TRPC6: variants seen among roughly 807,000 people sequenced by gnomAD.
TRPC6 encodes transient receptor potential cation channel subfamily C member 6.
TRPC6 carries 55 observed loss-of-function variants against 90.7 expected under a neutral mutation model. That is an observed-to-expected ratio of 0.61 (90% CI 0.49 to 0.76). TRPC6 has a LOEUF of 0.76. Ranked by LOEUF, TRPC6 falls within the 30% of genes least tolerant of loss-of-function variation. TRPC6 has a pLI of 0.00. For missense variants in TRPC6, 989 were observed against 1,122.7 expected (o/e 0.88, Z 1.70); for synonymous variants, 393 against 393.0 (o/e 1.00, Z 0.00).
At chr11:101,540,212 T>G (rs1489307018) in intron 1 of TRPC6, among the ~76,000 whole-genome samples, 1 of 152,204 alleles carries the variant, frequency 6.6e-6, no homozygotes, top group Non-Finnish European at 1.5e-5. Flanking sequence ...CAGAGAAGAC[T>G]GCCTGAGGCC....
At chr11:101,526,160 C>G (rs1173697699) in intron 1 of TRPC6, among the ~76,000 whole-genome samples, 1 of 151,772 alleles carries the variant, frequency 6.6e-6, no homozygotes, top group Non-Finnish European at 1.5e-5. Flanking sequence ...AAATATGAAT[C>G]TCTCTCTCTC....
At chr11:101,540,208 A>G (rs1861137936) in intron 1 of TRPC6, among the ~76,000 whole-genome samples, 1 of 152,240 alleles carries the variant, frequency 6.6e-6, no homozygotes, top group African/African-American at 2.4e-5. Context: ...CACACAGAGA[A>G]GACTGCCTGA....
At chr11:101,541,467 T>C (rs1268207205) in intron 1 of TRPC6, among the ~76,000 whole-genome samples, 1 of 152,236 alleles carries the variant, frequency 6.6e-6, no homozygotes, top group East Asian at 1.9e-4. Flanking sequence ...TTTCAAGCGA[T>C]TCTCCTGCCT....
intron 2 of TRPC6, among the ~76,000 whole-genome samples, chr11:101,497,899 G>A (rs1404601996): frequency 6.6e-6 from 1 of 152,040 alleles, no homozygotes; most frequent in African/African-American, 2.4e-5. Context: ...GTTCCCAAAA[G>A]AGGGGATTTT....
intron 10 of TRPC6, among the ~76,000 whole-genome samples, chr11:101,455,840 C>T (rs1411081173): frequency 6.6e-6 from 1 of 152,082 alleles, no homozygotes; most frequent in Non-Finnish European, 1.5e-5. Flanking sequence ...CTCAGACATT[C>T]ATCTATATAT....
At chr11:101,461,329 C>G (rs1858999492) in intron 10 of TRPC6, among the ~76,000 whole-genome samples, 1 of 152,200 alleles carries the variant, frequency 6.6e-6, no homozygotes, top group Non-Finnish European at 1.5e-5. Context: ...CTTTGGGAGG[C>G]TGAGGTAGGT....
chr11:101,495,655 C>A (rs1250705763), intron 2 of TRPC6, among the ~76,000 whole-genome samples: 1 of 148,662 alleles, frequency 6.7e-6, no homozygotes, highest in Non-Finnish European at 1.5e-5. Context: ...CATTATTTCA[C>A]AAACAGTATC....
chr11:101,472,275 T>C lies in TRPC6; in HGVS notation c.2067A>G (p.Lys689=), dbSNP rs1481466268. The C allele has an allele frequency of 1.2e-6, 2 of 1,613,174 alleles. No individual in the cohort carries two copies. The highest frequency in any genetic ancestry group is 2.7e-5 in the African/African-American group (2 of 74,874). ...FWAIFGLSEV[K]SVVINYNHKF... ...TGTGGTTATAGTTGATGACCACTGATTTCACTTCAGAAAGTCCAAATATAG... is the reference window on the plus strand; with the variant it reads ...TGTGGTTATAGTTGATGACCACTGACTTCACTTCAGAAAGTCCAAATATAG... The change falls in exon 8 of 13, where the codon AAA becomes AAG. Residue 689 remains lysine, a synonymous_variant. Coordinates refer to ENST00000344327, the MANE Select transcript of TRPC6 (RefSeq NM_004621.6).
rs554320659 is a variant in TRPC6 at position 101,545,430 on chromosome 11, A to T, written c.170+37904T>A. 9.7e-4 allele frequency among the ~76,000 whole-genome samples: 148 copies of T among 152,272 alleles called. 1 individual carries two copies. The highest frequency in any genetic ancestry group is 3.5e-3 in the African/African-American group (146 of 41,572). ...CTGCGTGGGGAGTGGGGAACCCAAA[A>T]CCAATCCCCTATGGATAGTAAGGAA... On this transcript the variant is annotated intron_variant, in intron 1 of 12. Transcript: ENST00000344327.
chr11:101,527,802 A>G (rs1488811751), intron 1 of TRPC6, among the ~76,000 whole-genome samples: 1 of 152,148 alleles, frequency 6.6e-6, no homozygotes, highest in East Asian at 1.9e-4. Context: ...AGCCAGGCAC[A>G]GTGGCTCACA....
chr11:101,534,754 G>A (rs1860996353), intron 1 of TRPC6, among the ~76,000 whole-genome samples: 1 of 152,302 alleles, frequency 6.6e-6, no homozygotes, highest in Non-Finnish European at 1.5e-5. Flanking sequence ...ATAGCTGAGT[G>A]AAGTTTCAAT....
chr11:101,548,573 T>C (rs1861377904), intron 1 of TRPC6, among the ~76,000 whole-genome samples: 1 of 145,966 alleles, frequency 6.9e-6, no homozygotes, highest in Non-Finnish European at 1.5e-5. Flanking sequence ...TTAACCAAAG[T>C]AAGAATCCAA....
chr11:101,555,301 C>A (rs1489377124), intron 1 of TRPC6, among the ~76,000 whole-genome samples: 1 of 152,212 alleles, frequency 6.6e-6, no homozygotes, highest in African/African-American at 2.4e-5. Flanking sequence ...AAAGGCTGTA[C>A]CTTTCTTTTC....
chr11:101,525,768 C>T (rs1302122914), intron 1 of TRPC6, among the ~76,000 whole-genome samples: 1 of 152,126 alleles, frequency 6.6e-6, no homozygotes, highest in South Asian at 2.1e-4. Context: ...TGTACTTTAT[C>T]CTGAGCATAA....
chr11:101,539,097 C>T (rs934709250), intron 1 of TRPC6, among the ~76,000 whole-genome samples: 1 of 152,162 alleles, frequency 6.6e-6, no homozygotes, highest in Non-Finnish European at 1.5e-5. Flanking sequence ...GTGTTTTACA[C>T]TAGTAATTTG....
chr11:101,563,466 A>C (rs1774928368), intron 1 of TRPC6, among the ~76,000 whole-genome samples: 1 of 152,190 alleles, frequency 6.6e-6, no homozygotes, highest in South Asian at 2.1e-4. Flanking sequence ...GGAGTCTTGA[A>C]GAGTGAATAG....
chr11:101,576,462 A>G (rs570977683), intron 1 of TRPC6, among the ~76,000 whole-genome samples: 1 of 152,322 alleles, frequency 6.6e-6, no homozygotes, highest in Admixed American at 6.5e-5. Flanking sequence ...TGCTCTAAAC[A>G]GAGATTCTAT....
intron 1 of TRPC6, among the ~76,000 whole-genome samples, chr11:101,575,575 G>C (rs1862053069): frequency 6.6e-6 from 1 of 152,110 alleles, no homozygotes. Flanking sequence ...AAAGCACTTG[G>C]AGAAGGGCCT....
At chr11:101,559,442 G>C (rs1047668058) in intron 1 of TRPC6, among the ~76,000 whole-genome samples, 46 of 152,150 alleles carry the variant, frequency 3.0e-4, no homozygotes, top group Admixed American at 2.0e-4. Context: ...GATTTTCCAT[G>C]AAGTTGTCAC....
Sources: allele counts gnomAD v4.1 joint callset (sites outside exome capture counted in the v4.1 genomes callset), GRCh38; gene constraint gnomAD v4.1.1; transcripts MANE v1.5; gene names NCBI Gene and HGNC (gene_info 2026-07-23, HGNC 2026-07-21).